The following ASTN2 variants were observed in gnomAD, a reference collection of about 807,000 sequenced individuals.
ASTN2 encodes astrotactin-2.
Under a neutral mutation model 139.8 loss-of-function variants are expected in ASTN2, and 54 were observed. The ratio of observed to expected loss-of-function variants is 0.39; its 90% confidence interval spans 0.31 to 0.48. The LOEUF is 0.48. ASTN2 is among the 20% of genes least tolerant of loss of function. The probability of loss-of-function intolerance (pLI) is 0.95; values close to 1 mark genes in which losing one functional copy is unlikely to be tolerated. For synonymous variants in ASTN2, 756 were observed against 719.5 expected (o/e 1.05, Z -0.81); for missense variants, 1,565 against 1,725.1 (o/e 0.91, Z 1.64).
chr9:117,089,543 T>C (rs575950550), intron 5 of ASTN2, among the ~76,000 whole-genome samples: 12 of 152,306 alleles, frequency 7.9e-5, no homozygotes, highest in African/African-American at 2.9e-4. Flanking sequence ...TTATTTTTTT[T>C]CATAGGTTAT....
chr9:117,003,543 G>GTGTGTGTGTGTGTGTGTT (rs1339564006), intron 7 of ASTN2, among the ~76,000 whole-genome samples: 1 of 148,676 alleles, frequency 6.7e-6, no homozygotes, highest in Non-Finnish European at 1.5e-5. Flanking sequence ...GTGTGTGTGT[G>GTGTGTGTGTGTGTGTGTT]TGTGTGTGTG....
chr9:117,288,194 C>T (rs1374708954), intron 2 of ASTN2, among the ~76,000 whole-genome samples: 1 of 152,162 alleles, frequency 6.6e-6, no homozygotes, highest in African/African-American at 2.4e-5. Flanking sequence ...TTCCTTGCTG[C>T]ATCACCTTTT....
intron 1 of ASTN2, among the ~76,000 whole-genome samples, chr9:117,364,230 C>T (rs1829772259): frequency 6.6e-6 from 1 of 152,082 alleles, no homozygotes; most frequent in African/African-American, 2.4e-5. Context: ...AAATTCAAGA[C>T]CAGGGAGATA....
chr9:116,701,143 A>T (rs1228521532), intron 16 of ASTN2: 1 of 167,102 alleles, frequency 6.0e-6, no homozygotes, highest in Non-Finnish European at 1.5e-5. Flanking sequence ...TGCAGGGCTG[A>T]TGGCAAGCCA....
At chr9:116,555,934 T>A (rs1024542974) in intron 19 of ASTN2, among the ~76,000 whole-genome samples, 2 of 152,140 alleles carry the variant, frequency 1.3e-5, no homozygotes, top group Non-Finnish European at 2.9e-5. Context: ...GACCCATCAT[T>A]TGCATGCATC....
intron 16 of ASTN2, among the ~76,000 whole-genome samples, chr9:116,706,090 G>A (rs1417379011): frequency 1.3e-5 from 2 of 152,050 alleles, no homozygotes; most frequent in African/African-American, 2.4e-5. Context: ...TCTCCTTAGA[G>A]TCCTGAGGGT....
At chr9:117,166,073 G>T (rs1013925505) in intron 3 of ASTN2, among the ~76,000 whole-genome samples, 3 of 151,994 alleles carry the variant, frequency 2.0e-5, no homozygotes, top group Non-Finnish European at 4.4e-5. Flanking sequence ...TATAAGACAG[G>T]TCTTAACTTA....
intron 3 of ASTN2, among the ~76,000 whole-genome samples, chr9:117,200,725 G>T (rs1831681645): frequency 6.6e-6 from 1 of 152,144 alleles, no homozygotes. Flanking sequence ...CTTAATCATG[G>T]TGGATAAGTT....
chr9:117,035,888 C>A (rs1268724839), intron 6 of ASTN2, among the ~76,000 whole-genome samples: 1 of 152,182 alleles, frequency 6.6e-6, no homozygotes, highest in African/African-American at 2.4e-5. Context: ...CTTTTCCATT[C>A]ACCTCACTGA....
At chr9:117,130,428 G>C (rs1829800176) in intron 4 of ASTN2, among the ~76,000 whole-genome samples, 1 of 151,800 alleles carries the variant, frequency 6.6e-6, no homozygotes, top group East Asian at 1.9e-4. Context: ...CTTTTTCCTT[G>C]CTCAGGCTTT....
At chr9:116,437,754 T>G (rs1282731207) in intron 22 of ASTN2, among the ~76,000 whole-genome samples, 1 of 152,220 alleles carries the variant, frequency 6.6e-6, no homozygotes, top group Non-Finnish European at 1.5e-5. Context: ...TCTTCACTTC[T>G]GCCCGCCAGT....
chr9:117,114,164 GTC>G (rs1564431992), intron 4 of ASTN2, among the ~76,000 whole-genome samples: 1 of 124,000 alleles, frequency 8.1e-6, no homozygotes, highest in Non-Finnish European at 1.7e-5. Context: ...ATGAACATTA[GTC>G]TTTTTTTTTT....
chr9:116,599,003 G>GCTAT (rs1387080297), intron 19 of ASTN2, among the ~76,000 whole-genome samples: 1 of 152,256 alleles, frequency 6.6e-6, no homozygotes, highest in East Asian at 1.9e-4. Flanking sequence ...CTCAAGAGAA[G>GCTAT]CTATCCTCTG....
intron 20 of ASTN2, among the ~76,000 whole-genome samples, chr9:116,443,306 G>C (rs185314533): frequency 1.3e-5 from 2 of 152,162 alleles, no homozygotes; most frequent in Non-Finnish European, 2.9e-5. Context: ...GAGCCCAGAC[G>C]GTTGAAGAAA....
chr9:117,405,874 A>G (rs141976648), intron 1 of ASTN2, among the ~76,000 whole-genome samples: 189 of 152,252 alleles, frequency 1.2e-3, no homozygotes, highest in Non-Finnish European at 2.3e-3. Context: ...CTCTAATCAC[A>G]TTGTTCTCAT....
At chr9:116,750,176 T>G (rs1829359184) in intron 13 of ASTN2, among the ~76,000 whole-genome samples, 1 of 152,114 alleles carries the variant, frequency 6.6e-6, no homozygotes, top group Non-Finnish European at 1.5e-5. Flanking sequence ...AAAATAACGT[T>G]TAAAAACTCT....
chr9:116,566,294 C>T (rs897043752), intron 19 of ASTN2, among the ~76,000 whole-genome samples: 1 of 152,100 alleles, frequency 6.6e-6, no homozygotes, highest in African/African-American at 2.4e-5. Flanking sequence ...GATTTTTCTG[C>T]CTGGAATTCC....
In ASTN2 at chr9:117,356,531, A is replaced by T. The variant is rs563310736; in HGVS notation, c.442+57966T>A. Among the ~76,000 whole-genome samples the T allele has an allele frequency of 2.6e-5, 4 of 152,326 alleles. No homozygotes were observed. In the East Asian group the frequency reaches 5.8e-4, roughly 22 times the overall value. ...AGCAGTGCAGGAACATAGCTTCTTT[A>T]CCCTCTCTCAAGAAGTATGCCAGCA... is the stretch of plus-strand genomic sequence containing the variant. On this transcript the variant is annotated intron_variant, in intron 1 of 22. Coordinates refer to ENST00000313400, the MANE Select transcript of ASTN2 (RefSeq NM_001365068.1).
chr9:117,182,574 C>T (rs566737791), intron 3 of ASTN2, among the ~76,000 whole-genome samples: 7 of 152,178 alleles, frequency 4.6e-5, no homozygotes, highest in Non-Finnish European at 8.8e-5. Context: ...TCAAGGCCTG[C>T]CCCACCACCT....
Sources: gnomAD v4.1 joint callset for allele counts (sites outside exome capture counted in the v4.1 genomes callset) on GRCh38, gnomAD v4.1.1 for gene constraint, MANE v1.5 for transcripts, NCBI Gene and HGNC (gene_info 2026-07-23, HGNC 2026-07-21) for gene names.